SOX5: variants seen among roughly 807,000 people sequenced by gnomAD.
SOX5 encodes transcription factor SOX-5.
In SOX5, 9 loss-of-function variants were observed where a neutral mutation model predicts 92.0. That is an observed-to-expected ratio of 0.10 (90% CI 0.06 to 0.17). The LOEUF is 0.17. SOX5 is among the 10% of genes least tolerant of loss of function. The pLI is 1.00. For synonymous variants in SOX5, 344 were observed against 336.3 expected (o/e 1.02, Z -0.25); for missense variants, 642 against 944.5 (o/e 0.68, Z 4.20).
chr12:24,112,458 G>A (rs1947466729), intron 4 of SOX5, among the ~76,000 whole-genome samples: 1 of 149,282 alleles, frequency 6.7e-6, no homozygotes. Flanking sequence ...CTATTGGAGA[G>A]CATCAAGTAG....
At chr12:23,888,484 T>A (rs572573357) in intron 2 of SOX5, among the ~76,000 whole-genome samples, 1 of 152,302 alleles carries the variant, frequency 6.6e-6, no homozygotes, top group East Asian at 1.9e-4. Flanking sequence ...TCAACAGAAG[T>A]ACTTCAAATA....
chr12:23,726,767 A>C (rs775320448), intron 6 of SOX5, among the ~76,000 whole-genome samples: 3 of 152,200 alleles, frequency 2.0e-5, no homozygotes, highest in Non-Finnish European at 4.4e-5. Flanking sequence ...TTTCTGGGCC[A>C]ATCTCAGTGA....
In SOX5 at chr12:23,783,073, A is replaced by G. The variant is rs543878823; in HGVS notation, c.482-27349T>C. On this transcript the variant is annotated intron_variant, in intron 3 of 14. Coordinates refer to ENST00000451604, the MANE Select transcript of SOX5 (RefSeq NM_006940.6). ...TTGTAGGTATCTAAATTAGCTCATC[A>G]TAGTCATTGTCTCTTATATCATGTT... 3.3e-5 allele frequency among the ~76,000 whole-genome samples: 5 copies of G among 152,294 alleles called. No homozygotes were observed. The South Asian group carries it at 8.3e-4, about 25-fold the overall frequency.
intron 2 of SOX5, among the ~76,000 whole-genome samples, chr12:24,341,877 G>T (rs1326660560): frequency 6.6e-6 from 1 of 152,150 alleles, no homozygotes; most frequent in Non-Finnish European, 1.5e-5. Context: ...TGGCTCCTGG[G>T]TTCTGGTAAG....
At chr12:23,604,186 C>A (rs74071313) in intron 9 of SOX5, 4 of 553,402 alleles carry the variant, frequency 7.2e-6, no homozygotes, top group African/African-American at 3.8e-5. Context: ...TATCGATACA[C>A]GCATATTGAA....
At chr12:24,286,845 C>T (rs1165318710) in intron 2 of SOX5, among the ~76,000 whole-genome samples, 1 of 152,234 alleles carries the variant, frequency 6.6e-6, no homozygotes, top group Admixed American at 6.5e-5. Flanking sequence ...GTCACTCTGG[C>T]TTTGTTACTT....
At chr12:24,388,855 G>A (rs916246197) in intron 1 of SOX5, among the ~76,000 whole-genome samples, 2 of 152,082 alleles carry the variant, frequency 1.3e-5, no homozygotes, top group African/African-American at 4.8e-5. Flanking sequence ...CATATAGATG[G>A]AATCATACAA....
At chr12:24,187,608 T>G (rs1956140052) in intron 4 of SOX5, among the ~76,000 whole-genome samples, 1 of 152,218 alleles carries the variant, frequency 6.6e-6, no homozygotes, top group Non-Finnish European at 1.5e-5. Flanking sequence ...TTCTCTAGTT[T>G]CATTTTTCTC....
intron 1 of SOX5, among the ~76,000 whole-genome samples, chr12:24,547,365 G>A (rs906333512): frequency 2.0e-5 from 3 of 150,736 alleles, no homozygotes; most frequent in Non-Finnish European, 4.4e-5. Flanking sequence ...CTAATTTTTT[G>A]TATTTTTAGT....
chr12:24,138,752 A>T (rs945682039), intron 4 of SOX5, among the ~76,000 whole-genome samples: 3 of 152,208 alleles, frequency 2.0e-5, no homozygotes, highest in African/African-American at 7.2e-5. Context: ...GCAGATAATA[A>T]TAGGTACACT....
At chr12:24,372,969 A>AAT (rs3031155) in intron 1 of SOX5, among the ~76,000 whole-genome samples, 1 of 151,092 alleles carries the variant, frequency 6.6e-6, no homozygotes, top group African/African-American at 2.4e-5. Flanking sequence ...AAAAAAAAAA[A>AAT]CTGCTGGGTG....
intron 13 of SOX5, among the ~76,000 whole-genome samples, chr12:23,538,746 T>C (rs75018603): frequency 6.6e-6 from 1 of 151,194 alleles, no homozygotes; most frequent in Non-Finnish European, 1.5e-5. Flanking sequence ...TGATCTAATA[T>C]AAAATTTATT....
At chr12:23,818,054 G>A (rs1289593900) in intron 3 of SOX5, among the ~76,000 whole-genome samples, 1 of 152,142 alleles carries the variant, frequency 6.6e-6, no homozygotes, top group Admixed American at 6.5e-5. Flanking sequence ...GTTAAAACAC[G>A]AATCATAAGG....
At chr12:24,317,594 C>T (rs1949816557) in intron 2 of SOX5, among the ~76,000 whole-genome samples, 1 of 152,188 alleles carries the variant, frequency 6.6e-6, no homozygotes. Flanking sequence ...GACTTCACCA[C>T]TTCCAAAATC....
chr12:23,695,068 C>T (rs1310645253), intron 6 of SOX5, among the ~76,000 whole-genome samples: 7 of 149,330 alleles, frequency 4.7e-5, no homozygotes, highest in Admixed American at 1.3e-4. Context: ...TGCAGTGAGC[C>T]GTGACTGTGT....
At chr12:24,128,628 T>C (rs1324537502) in intron 4 of SOX5, among the ~76,000 whole-genome samples, 4 of 152,046 alleles carry the variant, frequency 2.6e-5, no homozygotes, top group African/African-American at 4.8e-5. Context: ...AGGCCCTGAT[T>C]TGGGGACAGC....
intron 1 of SOX5, among the ~76,000 whole-genome samples, chr12:24,378,277 A>G (rs956621337): frequency 6.6e-6 from 1 of 152,218 alleles, no homozygotes; most frequent in African/African-American, 2.4e-5. Flanking sequence ...GATTCCATAT[A>G]TTAATTTTAA....
intron 8 of SOX5, among the ~76,000 whole-genome samples, chr12:23,626,385 T>C (rs1185883299): frequency 1.3e-5 from 2 of 152,180 alleles, no homozygotes; most frequent in African/African-American, 4.8e-5. Context: ...TCTTGGGTTA[T>C]CTAGCCCTGG....
At chr12:23,885,960 C>A (rs1463776636) in intron 2 of SOX5, among the ~76,000 whole-genome samples, 1 of 151,368 alleles carries the variant, frequency 6.6e-6, no homozygotes, top group African/African-American at 2.4e-5. Context: ...AGCTTTAATG[C>A]CAGTACAAAT....
Sources: allele counts gnomAD v4.1 joint callset (sites outside exome capture counted in the v4.1 genomes callset), GRCh38; gene constraint gnomAD v4.1.1; transcripts MANE v1.5; gene names NCBI Gene and HGNC (gene_info 2026-07-23, HGNC 2026-07-21).